The following FLNB variants were observed in gnomAD, a reference collection of about 807,000 sequenced individuals.
The protein encoded by FLNB is filamin-B.
FLNB carries 111 observed loss-of-function variants against 250.6 expected under a neutral mutation model. The ratio of observed to expected loss-of-function variants is 0.44; its 90% CI spans 0.38 to 0.52. FLNB has a LOEUF of 0.52. Ranked by LOEUF, FLNB falls within the 20% of genes least tolerant of loss-of-function variation. The probability of loss-of-function intolerance (pLI) is 0.00; values close to 1 mark genes in which losing one functional copy is unlikely to be tolerated. For synonymous variants in FLNB, 1,302 were observed against 1,372.1 expected, an observed-to-expected ratio of 0.95 and a Z score of 1.13; for missense variants, 2,869 against 3,447.8, an observed-to-expected ratio of 0.83 and a Z score of 4.20.
rs553322383 is a variant in FLNB at position 58,014,510 on chromosome 3, C to T, written c.292+5654C>T. On this transcript the variant is annotated intron_variant, in intron 1 of 45. Transcript: ENST00000295956. ...CAGCATGCCAGTCGGCAGCCGCCTTCGTTCTTGGAGAGTCTGAGCTAAAGG... is the reference window on the plus strand; with the variant it reads ...CAGCATGCCAGTCGGCAGCCGCCTTTGTTCTTGGAGAGTCTGAGCTAAAGG... 2.0e-5 allele frequency among the ~76,000 whole-genome samples: 3 copies of T among 152,252 alleles called. No individual in the cohort carries two copies. In the East Asian group the frequency reaches 5.8e-4, roughly 29 times the overall value.
intron 2 of FLNB, chr3:58,078,347 A>T (rs1269238932): frequency 2.0e-6 from 3 of 1,472,314 alleles, no homozygotes; most frequent in African/African-American, 1.4e-5. Flanking sequence ...ATCACACAGG[A>T]TGCTATTCTA....
chr3:58,040,726 C>T (rs1339895023), intron 1 of FLNB, among the ~76,000 whole-genome samples: 1 of 152,190 alleles, frequency 6.6e-6, no homozygotes, highest in Admixed American at 6.5e-5. Context: ...AACTCCTGAC[C>T]TCAGGTGATC....
intron 33 of FLNB, 127 bp downstream of exon 33, chr3:58,146,176 G>C: frequency 9.2e-7 from 1 of 1,084,462 alleles, no homozygotes; most frequent in Non-Finnish European, 1.4e-6. Flanking sequence ...CTTTTCTCTC[G>C]TGTAAATCTG....
At chr3:58,143,671 T>G (rs901522117) in intron 32 of FLNB, 58 bp downstream of exon 32, 9 of 1,604,362 alleles carry the variant, frequency 5.6e-6, no homozygotes, top group Non-Finnish European at 7.7e-6. Context: ...CCGGGCAGCC[T>G]GCAGACACTC....
intron 1 of FLNB, among the ~76,000 whole-genome samples, chr3:58,034,332 C>T (rs535132718): frequency 2.0e-5 from 3 of 152,200 alleles, no homozygotes; most frequent in Admixed American, 1.3e-4. Flanking sequence ...TACATTTCCA[C>T]GAGCAGTGTT....
chr3:58,143,434 C>T (rs747824884), intron 31 of FLNB, 39 bp from the exon 32 acceptor site: 22 of 1,613,116 alleles, frequency 1.4e-5, no homozygotes, highest in Admixed American at 1.7e-5. Context: ...GGGAAGGTTG[C>T]TGGTGGGCTT....
At chr3:58,103,041 A>G (rs1383713748) in intron 9 of FLNB, among the ~76,000 whole-genome samples, 1 of 152,104 alleles carries the variant, frequency 6.6e-6, no homozygotes, top group Non-Finnish European at 1.5e-5. Context: ...ATGCCTGTGG[A>G]ATCTTGAGCT....
In FLNB at chr3:58,164,926, CTTGGCCCCCTCTCTAAGTGGCT is replaced by C. The variant is rs2097367902; in HGVS notation, c.7198+1597_7198+1618del. Reference sequence around the variant, plus strand: ...AGAGCCTATGCGCTGAACCCCCGAGCTTGGCCCCCTCTCTAAGTGGCTGGCTCACCCAGAGGCAGTGACTGCA... The same window carrying C: ...AGAGCCTATGCGCTGAACCCCCGAGCGGCTCACCCAGAGGCAGTGACTGCA... On this transcript the variant is annotated intron_variant, in intron 43 of 45. Transcript: ENST00000295956. The surrounding 1 kb of genome is among the most constrained non-coding windows in gnomAD (Gnocchi z 4.0). 1 of 152,454 alleles carries C rather than the reference CTTGGCCCCCTCTCTAAGTGGCT, an allele frequency of 6.6e-6. No individual in the cohort carries two copies. Among genetic ancestry groups the C allele is most frequent in the South Asian group, 2.1e-4 (1 of 4,828 alleles). The allele number at this position is 152,454 out of a possible 1,614,324, so 9.4% of individuals were successfully genotyped here. A position where few individuals can be genotyped will look rare whatever the true frequency, so the allele number is the denominator to read the frequency against.
Position 58,077,165 on chromosome 3 carries a change from A to G in FLNB, c.412A>G (p.Lys138Glu). 6.2e-7 allele frequency: 1 copy of G among 1,614,118 alleles called. No individual in the cohort carries two copies. The highest frequency in any genetic ancestry group is 1.1e-5 in the South Asian group (1 of 91,068). ...GGATGAAGGGGATGATGATGCCAAG[A>G]AGCAGACGCCAAAGCAGAGGCTGCT... ...WEDEGDDDAK[K>E]QTPKQRLLGW... The change falls in exon 2 of 46, where the codon AAG becomes GAG. Residue 138 changes from lysine (K) to glutamate (E), a missense_variant. By Grantham distance (56) the Lys-to-Glu change is moderately conservative. Coordinates refer to ENST00000295956, the MANE Select transcript of FLNB (RefSeq NM_001457.4).
chr3:58,009,182 G>A (rs1437097581), intron 1 of FLNB, among the ~76,000 whole-genome samples: 2 of 152,188 alleles, frequency 1.3e-5, no homozygotes, highest in East Asian at 1.9e-4. Flanking sequence ...GGAGCTAGGG[G>A]ACTAGAAACC....
At chr3:58,109,362 G>A (rs1443518715) in intron 14 of FLNB, 40 bp downstream of exon 14, 1 of 1,599,596 alleles carries the variant, frequency 6.3e-7, no homozygotes, top group Admixed American at 1.7e-5. Context: ...TTATGGAAAT[G>A]CCTGGTCATA....
intron 4 of FLNB, among the ~76,000 whole-genome samples, chr3:58,088,890 C>T (rs184437958): frequency 2.5e-4 from 38 of 152,284 alleles, no homozygotes; most frequent in Non-Finnish European, 3.8e-4. Flanking sequence ...CTACTTCCTC[C>T]AGCCAGAACT....
At position 58,060,580 on chromosome 3, in the gene FLNB, T is replaced by A. The variant is rs552544767; in HGVS notation, c.293-16466T>A. Among the ~76,000 whole-genome samples, 27 of 151,464 alleles carry A rather than the reference T, an allele frequency of 1.8e-4. No individual in the cohort carries two copies. In the South Asian group the frequency reaches 3.3e-3, roughly 19 times the overall value. On this transcript the variant is annotated intron_variant, in intron 1 of 45. Coordinates refer to ENST00000295956, the MANE Select transcript of FLNB (RefSeq NM_001457.4). ...GTTGGCCAGGCTGGTCTCGAACTCC[T>A]GATCACAGGTGACCCATCCACCTTG...
intron 38 of FLNB, among the ~76,000 whole-genome samples, chr3:58,152,457 C>A (rs1291162873): frequency 6.6e-6 from 1 of 152,252 alleles, no homozygotes; most frequent in Non-Finnish European, 1.5e-5. Context: ...ACAGCGTCCC[C>A]TTGTATCCTC....
chr3:58,026,968 A>G (rs181254749), intron 1 of FLNB, among the ~76,000 whole-genome samples: 3 of 152,258 alleles, frequency 2.0e-5, no homozygotes, highest in East Asian at 1.9e-4. Context: ...AATTTAAAAC[A>G]CTTGCACAAC....
At chr3:58,134,432 A>G (rs950121623) in intron 26 of FLNB, among the ~76,000 whole-genome samples, 184 bp from the exon 27 acceptor site, 2 of 152,190 alleles carry the variant, frequency 1.3e-5, no homozygotes, top group South Asian at 4.1e-4. Context: ...CCAGTCTGTC[A>G]TATGATGGTT....
chr3:58,081,197 G>C (rs1048837440), intron 3 of FLNB, among the ~76,000 whole-genome samples: 3 of 152,086 alleles, frequency 2.0e-5, no homozygotes, highest in Non-Finnish European at 4.4e-5. Flanking sequence ...AGTTAATACA[G>C]ATACAGACCA....
chr3:58,108,529 T>C lies in FLNB; in HGVS notation c.2013T>C (p.Asp671=). The change falls in exon 13 of 46, where the codon GAT becomes GAC. Residue 671 remains aspartate, a synonymous_variant. Coordinates refer to ENST00000295956, the MANE Select transcript of FLNB (RefSeq NM_001457.4). ...IVNNLAEFTV[D]PKDAGKAPLK... ...ACAACCTGGCCGAGTTCACTGTGGA[T>C]CCTAAGGATGCTGGAAAAGCTCCCT... is the stretch of plus-strand genomic sequence containing the variant. 2 of 1,614,074 alleles carry C rather than the reference T, an allele frequency of 1.2e-6. No individual in the cohort carries two copies. Among genetic ancestry groups the C allele is most frequent in the Middle Eastern group, 1.7e-4 (1 of 6,054 alleles).
intron 24 of FLNB, among the ~76,000 whole-genome samples, chr3:58,129,560 T>TAG (rs1417553095): frequency 5.9e-5 from 9 of 152,210 alleles, no homozygotes; most frequent in African/African-American, 1.9e-4. Flanking sequence ...CTGTGCTTGT[T>TAG]TGCCAGGGCC....
Sources: gnomAD v4.1 joint callset for allele counts (sites outside exome capture counted in the v4.1 genomes callset) on GRCh38, gnomAD v4.1.1 for gene constraint, Gnocchi (gnomAD v3.1) non-coding constraint, MANE v1.5 for transcripts, NCBI Gene and HGNC (gene_info 2026-07-23, HGNC 2026-07-21) for gene names.